TRMT2B: variants seen among roughly 807,000 people sequenced by gnomAD.
TRMT2B encodes tRNA (uracil-5-)-methyltransferase homolog B.
A neutral mutation model predicts 39.7 loss-of-function variants in TRMT2B; 34 were observed. The ratio of observed to expected loss-of-function variants is 0.86; its 90% CI spans 0.65 to 1.14. The LOEUF is 1.14. TRMT2B is among the 50% of genes most tolerant of loss of function. TRMT2B has a pLI of 0.00. For synonymous variants in TRMT2B, 132 were observed against 137.3 expected, an observed-to-expected ratio of 0.96 and a Z score of 0.27; for missense variants, 318 against 377.2, an observed-to-expected ratio of 0.84 and a Z score of 1.30.
chrX:100,998,236 G>A, the TRMT2B span, among the ~76,000 whole-genome samples: 2 of 101,353 alleles, frequency 2.0e-5, no homozygotes, highest in African/African-American at 7.5e-5. Flanking sequence ...CTCCAGCCTG[G>A]GTGACAGAGT....
intron 2 of TRMT2B, among the ~76,000 whole-genome samples, chrX:101,045,921 A>C (rs2148074190): frequency 9.1e-6 from 1 of 109,581 alleles, no homozygotes; most frequent in South Asian, 3.9e-4. Flanking sequence ...CTGAGGGGGC[A>C]GATCACTTGA....
At chrX:101,032,277 C>A (rs996543076) in intron 7 of TRMT2B, among the ~76,000 whole-genome samples, 1 of 101,305 alleles carries the variant, frequency 9.9e-6, no homozygotes, top group African/African-American at 3.6e-5. Context: ...CAGAGTGAGA[C>A]CCCTCTCAAA....
intron 6 of TRMT2B, among the ~76,000 whole-genome samples, chrX:101,035,946 G>C (rs1276703675): frequency 9.0e-6 from 1 of 111,657 alleles, no homozygotes; most frequent in Non-Finnish European, 1.9e-5. Context: ...GATTTTAAGA[G>C]GGAAATAAAA....
chrX:100,977,316 T>C, the TRMT2B span, among the ~76,000 whole-genome samples: 1 of 108,189 alleles, frequency 9.2e-6, no homozygotes, highest in African/African-American at 3.4e-5. Flanking sequence ...ACCATCCCAT[T>C]CCCTCCCCTC....
At chrX:100,988,006 CGAAAAA>C in the TRMT2B span, among the ~76,000 whole-genome samples, 1 of 111,324 alleles carries the variant, frequency 9.0e-6, no homozygotes, top group Non-Finnish European at 1.9e-5. Context: ...GTTGAAAAGA[CGAAAAA>C]GAAAAAGAAA....
At chrX:101,019,180 G>T in intron 12 of TRMT2B, 104 bp downstream of exon 12, 1 of 1,147,565 alleles carries the variant, frequency 8.7e-7, no homozygotes, top group Non-Finnish European at 1.2e-6. Flanking sequence ...AGGGGAAACA[G>T]GTTCAGAGCC....
chrX:101,042,553 G>C (rs1462562787), intron 2 of TRMT2B, among the ~76,000 whole-genome samples: 4 of 111,811 alleles, frequency 3.6e-5, no homozygotes, highest in East Asian at 2.8e-4. Flanking sequence ...CAAATCTCTG[G>C]ATATATTTCT....
chrX:101,048,783 G>A lies in TRMT2B; in HGVS notation c.-24+2468C>T, dbSNP rs139088191. Among the ~76,000 whole-genome samples, 861 of 112,413 alleles carry A rather than the reference G, an allele frequency of 7.7e-3. 5 individuals are homozygous for A. Among genetic ancestry groups the A allele is most frequent in the Middle Eastern group, 0.023 (5 of 218 alleles). ...CAGCTCTACTTCTCACTAGCTATGC[G>A]GTTTTAGGTAAGATATTAATACTTA... On this transcript the variant is annotated intron_variant, in intron 2 of 13. Transcript: ENST00000372936.
chrX:101,036,409 C>T (rs1009371082), intron 6 of TRMT2B, among the ~76,000 whole-genome samples: 1 of 98,373 alleles, frequency 1.0e-5, no homozygotes, highest in African/African-American at 3.8e-5. Flanking sequence ...CACACCACTG[C>T]ACTCCAGCCT....
At chrX:100,974,811 A>C in the TRMT2B span, among the ~76,000 whole-genome samples, 2 of 111,956 alleles carry the variant, frequency 1.8e-5, no homozygotes, top group Non-Finnish European at 3.8e-5. Context: ...CCAATCAAAG[A>C]AGCCAGCACT....
chrX:101,032,434 A>C (rs960343566), intron 7 of TRMT2B, among the ~76,000 whole-genome samples: 23 of 107,740 alleles, frequency 2.1e-4, no homozygotes, highest in Non-Finnish European at 1.1e-4. Context: ...AAAAATACAA[A>C]AAATTAGCTA....
chrX:101,041,896 C>T (rs756208167), intron 3 of TRMT2B, 146 bp downstream of exon 3: 5 of 627,508 alleles, frequency 8.0e-6, no homozygotes, highest in East Asian at 3.4e-5. Context: ...ATTCTTCAGA[C>T]GTCCTCAAAT....
chrX:101,020,644 T>G, intron 10 of TRMT2B, 56 bp from the exon 11 acceptor site: 2 of 647,397 alleles, frequency 3.1e-6, no homozygotes, highest in Non-Finnish European at 4.5e-6. Context: ...GTGTGGTAGT[T>G]TGTTTGTTTT....
the TRMT2B span, among the ~76,000 whole-genome samples, chrX:100,996,535 C>T: frequency 9.0e-6 from 1 of 111,710 alleles, no homozygotes; most frequent in Non-Finnish European, 1.9e-5. Flanking sequence ...ATATGTGCAA[C>T]TATTATGTAT....
the TRMT2B span, among the ~76,000 whole-genome samples, chrX:100,988,841 TA>T: frequency 2.8e-4 from 17 of 61,409 alleles, no homozygotes; most frequent in Non-Finnish European, 3.7e-4. Flanking sequence ...ATATATGAGA[TA>T]ATATATCTCA....
At position 101,042,128 on chromosome X, in the gene TRMT2B, A is replaced by G; in HGVS notation, c.162T>C (p.Arg54=). The change falls in exon 3 of 14, where the codon CGT becomes CGC. Residue 54 remains arginine, a synonymous_variant. Coordinates refer to ENST00000372936, the MANE Select transcript of TRMT2B (RefSeq NM_024917.6). ...CTTTCTGACATTTCGTGGCTATCAC[A>G]CGGGTGAAATCTCCCTTACATACTG... ...LGTVCKGDFT[R]VIATKCQKGQ... 1 of 1,212,059 alleles carries G rather than the reference A, an allele frequency of 8.3e-7. No homozygotes were observed. Among genetic ancestry groups the G allele is most frequent in the Admixed American group, 2.2e-5 (1 of 46,025 alleles).
At chrX:101,032,882 T>C (rs1404326670) in intron 7 of TRMT2B, among the ~76,000 whole-genome samples, 2 of 109,699 alleles carry the variant, frequency 1.8e-5, no homozygotes, top group Non-Finnish European at 3.8e-5. Context: ...GAAAAAGGTC[T>C]TCAGGGAAAA....
Position 101,042,459 on chromosome X carries a change from C to A in TRMT2B, c.-23-147G>T, listed in dbSNP as rs924649193. On this transcript the variant is annotated intron_variant, in intron 2 of 13. Transcript: ENST00000372936. ...GTAAAAGCAAGCCTGTTGAGCAGAA[C>A]TGAATTACTGTATGCAAGGTATGTT... is the stretch of plus-strand genomic sequence containing the variant. 9.0e-6 allele frequency: 5 copies of A among 553,953 alleles called. No individual in the cohort carries two copies. The highest frequency in any genetic ancestry group is 4.4e-5 in the South Asian group (1 of 22,693). 45.7% of individuals were successfully genotyped at this position (553,953 alleles called of 1,213,427 possible).
the TRMT2B span, among the ~76,000 whole-genome samples, chrX:100,976,307 G>A: frequency 9.0e-6 from 1 of 110,499 alleles, no homozygotes; most frequent in African/African-American, 3.3e-5. Flanking sequence ...ATGCTATTTT[G>A]CCTGTGAGAA....
Sources: allele counts gnomAD v4.1 joint callset (sites outside exome capture counted in the v4.1 genomes callset), GRCh38; gene constraint gnomAD v4.1.1; transcripts MANE v1.5; gene names NCBI Gene and HGNC (gene_info 2026-07-23, HGNC 2026-07-21).